ZFR2: variants seen among roughly 807,000 people sequenced by gnomAD.
ZFR2 encodes zinc finger RNA binding protein 2.
ZFR2 carries 104 observed loss-of-function variants against 105.7 expected under a neutral mutation model. The ratio of observed to expected loss-of-function variants is 0.98; its 90% CI spans 0.84 to 1.16. The LOEUF is 1.16. ZFR2 is among the 50% of genes most tolerant of loss of function. The pLI is 0.00. For missense variants in ZFR2, 1,425 were observed against 1,355.5 expected (o/e 1.05, Z -0.80); for synonymous variants, 634 against 597.7 (o/e 1.06, Z -0.89).
chr19:3,845,504 GCAACATGGTCCCTA>G (rs1055229406), intron 1 of ZFR2, among the ~76,000 whole-genome samples: 2 of 149,824 alleles, frequency 1.3e-5, no homozygotes, highest in African/African-American at 4.9e-5. Flanking sequence ...AGGTAAAACT[GCAACATGGTCCCTA>G]CAAGGTCACA....
chr19:3,864,940 G>C (rs149870229), intron 1 of ZFR2, among the ~76,000 whole-genome samples: 3,495 of 152,010 alleles, frequency 0.023, 134 homozygotes, highest in African/African-American at 0.079. Context: ...GTAGAGATTG[G>C]GTTTCACCAT....
chr19:3,854,853 T>A (rs1286147342), intron 1 of ZFR2, among the ~76,000 whole-genome samples: 1 of 152,196 alleles, frequency 6.6e-6, no homozygotes, highest in East Asian at 1.9e-4. Context: ...AGCCTCTAAC[T>A]CCTGGGCTCA....
intron 11 of ZFR2, 65 bp from the exon 12 acceptor site, chr19:3,819,300 C>CGGGCAGGT (rs3216956): frequency 0.39 from 548,012 of 1,399,740 alleles, 108,891 homozygotes; most frequent in East Asian, 0.44. Flanking sequence ...GCTGGGCAGG[C>CGGGCAGGT]GGGCAGGTGG....
chr19:3,831,246 C>T, intron 5 of ZFR2, 57 bp downstream of exon 5: 2 of 1,439,708 alleles, frequency 1.4e-6, no homozygotes, highest in Admixed American at 5.6e-5. Context: ...CATTCGGGTT[C>T]AGACGTTGGG....
At chr19:3,815,193 G>T (rs1330535936) in intron 13 of ZFR2, among the ~76,000 whole-genome samples, 1 of 152,182 alleles carries the variant, frequency 6.6e-6, no homozygotes, top group South Asian at 2.1e-4. Flanking sequence ...GGGCTCAAAT[G>T]GTTCCCCTCC....
rs1465190874 is a variant in ZFR2 at position 3,831,877 on chromosome 19, C to T, written c.381G>A (p.Gly127=). 1 of 1,566,054 alleles carries T rather than the reference C, an allele frequency of 6.4e-7. No individual in the cohort carries two copies. The highest frequency in any genetic ancestry group is 1.4e-5 in the African/African-American group (1 of 73,928). ...TGGGCTGCCCGCAGGCTTCTTGGGT[C>T]CCTAGGGGACAGGGACAGGCCCTCT... The part of the protein sequence containing the change: ...RMTAADSGQP[G]TQEACGQPSP... Residue 127 remains glycine, a splice_region_variant and synonymous_variant, in exon 4 of 19, where the codon GGG becomes GGA. Transcript: ENST00000262961.
At chr19:3,819,532 C>T (rs1358848837) in intron 11 of ZFR2, among the ~76,000 whole-genome samples, 1 of 152,202 alleles carries the variant, frequency 6.6e-6, no homozygotes, top group Non-Finnish European at 1.5e-5. Flanking sequence ...GCCTGGGAAC[C>T]CTTTCTCACA....
In ZFR2 at chr19:3,823,300, T is replaced by C. The variant is rs1387271604; in HGVS notation, c.1317A>G (p.Glu439=). 6.2e-7 allele frequency: 1 copy of C among 1,613,884 alleles called. No homozygotes were observed. ...PGAPTQGGSK[E]APAGCSDAQP... ...GCGCATCAGAGCAGCCCGCGGGAGC[T>C]TCCTTTGAGCCTCCTTGGGTAGGTG... Residue 439 remains glutamate (E), a synonymous_variant, in exon 8 of 19, where the codon GAA becomes GAG. Coordinates refer to ENST00000262961, the MANE Select transcript of ZFR2 (RefSeq NM_015174.2). This position sits in a 1 kb window ranked among gnomAD's most constrained non-coding sequence, Gnocchi z 5.4.
intron 17 of ZFR2, among the ~76,000 whole-genome samples, chr19:3,808,410 T>C (rs901167452): frequency 2.6e-5 from 4 of 152,338 alleles, no homozygotes; most frequent in African/African-American, 7.2e-5. Flanking sequence ...CCCTCTCACA[T>C]GTGTGTCCTG....
chr19:3,868,495 C>T (rs1416365349), intron 1 of ZFR2, among the ~76,000 whole-genome samples: 2 of 151,902 alleles, frequency 1.3e-5, no homozygotes, highest in Non-Finnish European at 2.9e-5. Flanking sequence ...CTCTGCCCAT[C>T]CCCACCCACT....
chr19:3,862,784 G>A (rs1170606229), intron 1 of ZFR2, among the ~76,000 whole-genome samples: 1 of 152,226 alleles, frequency 6.6e-6, no homozygotes, highest in East Asian at 1.9e-4. Context: ...CTCTTCTAAG[G>A]AGTTCAGCCC....
chr19:3,867,303 T>TTGGGG (rs2038442798), intron 1 of ZFR2, among the ~76,000 whole-genome samples: 1 of 51,488 alleles, frequency 1.9e-5, no homozygotes, highest in African/African-American at 1.2e-4. Context: ...TGATCAACTG[T>TTGGGG]TGGGGGGGGA....
chr19:3,835,120 A>G, intron 1 of ZFR2, 137 bp from the exon 2 acceptor site: 1 of 973,680 alleles, frequency 1.0e-6, no homozygotes. Flanking sequence ...GAGCCCAGGC[A>G]CGGCCGGAAG....
chr19:3,811,718 G>A (rs955340942), intron 14 of ZFR2, among the ~76,000 whole-genome samples: 4 of 151,824 alleles, frequency 2.6e-5, no homozygotes, highest in Non-Finnish European at 5.9e-5. Flanking sequence ...GCCTCCCAAA[G>A]TGCTGGGATT....
At chr19:3,820,847 C>CTA (rs1287825642) in intron 10 of ZFR2, among the ~76,000 whole-genome samples, 1 of 90,176 alleles carries the variant, frequency 1.1e-5, no homozygotes, top group African/African-American at 4.1e-5. Flanking sequence ...CACAGGGACA[C>CTA]CGGGGGTCGG....
intron 13 of ZFR2, among the ~76,000 whole-genome samples, chr19:3,814,653 C>A (rs2037806221): frequency 6.6e-6 from 1 of 152,214 alleles, no homozygotes; most frequent in Admixed American, 6.5e-5. Flanking sequence ...TTGTCTTTGC[C>A]ACCAGGCTGC....
At chr19:3,847,528 G>GA (rs944950292) in intron 1 of ZFR2, among the ~76,000 whole-genome samples, 48 of 146,546 alleles carry the variant, frequency 3.3e-4, no homozygotes, top group African/African-American at 3.5e-4. Context: ...CTTCTCAAAA[G>GA]AAAAAAAAAA....
chr19:3,823,359 T>A lies in ZFR2; in HGVS notation c.1258A>T (p.Lys420Ter), dbSNP rs755938434. ...CCCTCTAATTTAGGTTGGGCTGGTT[T>A]CCCCCACTGGGGTCTGCAGCCTGCT... ...QAAGCRPQWG[K>*]PAQPKLEGPG... is the part of the protein sequence containing the mutation. The change falls in exon 8 of 19, where the codon AAA (lysine) becomes TAA (stop). Residue 420 changes from lysine to a stop codon, truncating the protein, a stop_gained. Transcript: ENST00000262961. LOFTEE classifies it high-confidence loss of function. This position sits in a 1 kb window ranked among gnomAD's most constrained non-coding sequence, Gnocchi z 5.4. The A allele has an allele frequency of 6.2e-7, 1 of 1,613,734 alleles. No individual in the cohort carries two copies. Among genetic ancestry groups the A allele is most frequent in the African/African-American group, 1.3e-5 (1 of 75,040 alleles).
At chr19:3,863,974 T>G (rs1599260356) in intron 1 of ZFR2, among the ~76,000 whole-genome samples, 1 of 152,088 alleles carries the variant, frequency 6.6e-6, no homozygotes, top group East Asian at 1.9e-4. Context: ...ACACAGAGAA[T>G]CAATAACCAG....
Sources: gnomAD v4.1 joint callset for allele counts (sites outside exome capture counted in the v4.1 genomes callset) on GRCh38, gnomAD v4.1.1 for gene constraint, Gnocchi (gnomAD v3.1) non-coding constraint, MANE v1.5 for transcripts, NCBI Gene and HGNC (gene_info 2026-07-23, HGNC 2026-07-21) for gene names.